HS3ST4: variants seen among roughly 807,000 people sequenced by gnomAD.
HS3ST4 encodes the protein heparan sulfate-glucosamine 3-sulfotransferase 4, also known as heparan sulfate glucosamine 3-O-sulfotransferase 4.
In HS3ST4, 17 loss-of-function variants were observed where a neutral mutation model predicts 29.2. That is an observed-to-expected ratio of 0.58 (90% CI 0.40 to 0.87). HS3ST4 has a LOEUF of 0.87. HS3ST4 is among the 40% of genes least tolerant of loss of function. The pLI is 0.00. For missense variants in HS3ST4, 627 were observed against 634.5 expected, an observed-to-expected ratio of 0.99 and a Z score of 0.13; for synonymous variants, 314 against 285.7, an observed-to-expected ratio of 1.10 and a Z score of -1.00.
chr16:25,911,783 A>G (rs1158472867), intron 1 of HS3ST4, among the ~76,000 whole-genome samples: 1 of 152,046 alleles, frequency 6.6e-6, no homozygotes, highest in Non-Finnish European at 1.5e-5. Context: ...CGCTGGGATT[A>G]CAGGTATGAG....
chr16:25,821,316 C>T (rs890233813), intron 1 of HS3ST4, among the ~76,000 whole-genome samples: 1 of 152,040 alleles, frequency 6.6e-6, no homozygotes, highest in Non-Finnish European at 1.5e-5. Flanking sequence ...TTTGGCCTCC[C>T]GCACCTTTGA....
At chr16:25,877,456 C>T (rs995019968) in intron 1 of HS3ST4, among the ~76,000 whole-genome samples, 1 of 152,156 alleles carries the variant, frequency 6.6e-6, no homozygotes, top group African/African-American at 2.4e-5. Flanking sequence ...CCAGTTTCTT[C>T]AACCACCAGA....
intron 1 of HS3ST4, among the ~76,000 whole-genome samples, chr16:25,965,651 G>A (rs1167712706): frequency 6.6e-6 from 1 of 152,066 alleles, no homozygotes; most frequent in African/African-American, 2.4e-5. Flanking sequence ...TCATTCGTGT[G>A]TCTTCACACA....
At chr16:25,892,642 T>G (rs1236993006) in intron 1 of HS3ST4, among the ~76,000 whole-genome samples, 2 of 152,170 alleles carry the variant, frequency 1.3e-5, no homozygotes, top group African/African-American at 4.8e-5. Flanking sequence ...AAAAGGAAAT[T>G]TATTTGCTCA....
intron 1 of HS3ST4, among the ~76,000 whole-genome samples, chr16:26,086,600 C>T (rs922350943): frequency 2.6e-5 from 4 of 152,134 alleles, no homozygotes; most frequent in African/African-American, 7.2e-5. Flanking sequence ...CCGCCTGCCT[C>T]GGCCTCCCAA....
At position 25,693,152 on chromosome 16, in the gene HS3ST4, G is replaced by A. The variant is rs1966269703; in HGVS notation, c.734+1G>A. The A allele has an allele frequency of 6.3e-7, 1 of 1,583,684 alleles. No homozygotes were observed. The highest frequency in any genetic ancestry group is 8.6e-7 in the Non-Finnish European group (1 of 1,165,906). ...ACGAAAAGGGGTTGGAGTGGTACAG[G>A]TAGGACCCTGGGCTCCGCGGGCTGG... On this transcript the variant is annotated splice_donor_variant, in intron 1 of 1. Coordinates refer to ENST00000331351, the MANE Select transcript of HS3ST4 (RefSeq NM_006040.3). LOFTEE classifies it high-confidence loss of function.
At chr16:25,726,223 A>C (rs560467173) in intron 1 of HS3ST4, among the ~76,000 whole-genome samples, 107 of 152,296 alleles carry the variant, frequency 7.0e-4, no homozygotes, top group African/African-American at 2.4e-3. Flanking sequence ...TATTTACCTG[A>C]TGTTATACAG....
chr16:25,876,018 C>T (rs1326763249), intron 1 of HS3ST4, among the ~76,000 whole-genome samples: 1 of 152,088 alleles, frequency 6.6e-6, no homozygotes, highest in Non-Finnish European at 1.5e-5. Flanking sequence ...CTCAGAAAAC[C>T]AAGGAATTTC....
intron 1 of HS3ST4, among the ~76,000 whole-genome samples, chr16:26,091,874 G>T (rs373037374): frequency 1.3e-5 from 2 of 152,100 alleles, no homozygotes; most frequent in Non-Finnish European, 2.9e-5. Flanking sequence ...TTTATTGAGC[G>T]CCTGCTCTGT....
chr16:25,729,086 A>AAAAAAGG (rs1966554952), intron 1 of HS3ST4, among the ~76,000 whole-genome samples: 1 of 152,116 alleles, frequency 6.6e-6, no homozygotes, highest in Non-Finnish European at 1.5e-5. Flanking sequence ...TTATCTTGAA[A>AAAAAAGG]AAAAAGGAAA....
intron 1 of HS3ST4, among the ~76,000 whole-genome samples, chr16:25,761,279 G>T (rs554594142): frequency 1.3e-5 from 2 of 152,332 alleles, no homozygotes; most frequent in Admixed American, 1.3e-4. Context: ...CTGCTCAATA[G>T]GACATTCTGT....
chr16:26,016,066 G>T (rs1406761992), intron 1 of HS3ST4, among the ~76,000 whole-genome samples: 1 of 152,152 alleles, frequency 6.6e-6, no homozygotes, highest in Admixed American at 6.6e-5. Context: ...ATCTGTACTG[G>T]TGAGGCCGAA....
At chr16:25,695,964 A>C (rs1966293064) in intron 1 of HS3ST4, among the ~76,000 whole-genome samples, 1 of 152,060 alleles carries the variant, frequency 6.6e-6, no homozygotes, top group Admixed American at 6.5e-5. Context: ...CTCATATTCA[A>C]CTCAAGAGCC....
chr16:26,101,908 C>T (rs1053606180), intron 1 of HS3ST4, among the ~76,000 whole-genome samples: 8 of 152,084 alleles, frequency 5.3e-5, no homozygotes, highest in African/African-American at 1.2e-4. Flanking sequence ...ATCTCTTTTG[C>T]GACTGTTTTG....
At chr16:25,910,162 A>G (rs1055992727) in intron 1 of HS3ST4, among the ~76,000 whole-genome samples, 10 of 152,220 alleles carry the variant, frequency 6.6e-5, no homozygotes, top group African/African-American at 2.4e-4. Context: ...AAAGGACACA[A>G]AGAACCATGT....
Position 25,799,274 on chromosome 16 carries a change from A to G in HS3ST4, c.734+106123A>G, listed in dbSNP as rs150225173. Among the ~76,000 whole-genome samples the G allele has an allele frequency of 1.1e-3, 165 of 152,260 alleles. 2 individuals are homozygous for G. Among genetic ancestry groups the G allele is most frequent in the African/African-American group, 3.8e-3 (157 of 41,562 alleles). The stretch of plus-strand genomic sequence containing the variant: ...AAGTACCATGTTTTTTCAAAACTCT[A>G]TGCCTTTCAAAGGTTCTTTCTCTGC... On this transcript the variant is annotated intron_variant, in intron 1 of 1. Transcript: ENST00000331351.
chr16:26,079,460 A>G (rs1293787156), intron 1 of HS3ST4, among the ~76,000 whole-genome samples: 2 of 152,210 alleles, frequency 1.3e-5, no homozygotes, highest in South Asian at 2.1e-4. Flanking sequence ...TCTAGTAATA[A>G]TAACAGTAAC....
intron 1 of HS3ST4, among the ~76,000 whole-genome samples, chr16:25,896,056 G>A (rs2141671153): frequency 6.6e-6 from 1 of 152,214 alleles, no homozygotes; most frequent in Non-Finnish European, 1.5e-5. Flanking sequence ...ATGTCCCTCT[G>A]GACCCCACCC....
chr16:25,744,713 T>C (rs1426640545), intron 1 of HS3ST4, among the ~76,000 whole-genome samples: 1 of 152,130 alleles, frequency 6.6e-6, no homozygotes, highest in Admixed American at 6.5e-5. Context: ...TGGGAGGTAA[T>C]TGAATCACAG....
Sources: allele counts gnomAD v4.1 joint callset (sites outside exome capture counted in the v4.1 genomes callset), GRCh38; gene constraint gnomAD v4.1.1; transcripts MANE v1.5; gene names NCBI Gene and HGNC (gene_info 2026-07-23, HGNC 2026-07-21).